ADCY8: variants seen among roughly 807,000 people sequenced by gnomAD.
ADCY8 encodes adenylate cyclase 8.
In ADCY8, 51 loss-of-function variants were observed where a neutral mutation model predicts 119.7. The ratio of observed to expected loss-of-function variants is 0.43; its 90% CI spans 0.34 to 0.54. ADCY8 has a LOEUF of 0.54. ADCY8 is among the 20% of genes least tolerant of loss of function. ADCY8 has a pLI of 0.03. For missense variants in ADCY8, 1,383 were observed against 1,598.8 expected (o/e 0.87, Z 2.30); for synonymous variants, 665 against 651.0 (o/e 1.02, Z -0.33).
intron 13 of ADCY8, among the ~76,000 whole-genome samples, chr8:130,817,719 G>C (rs1030003226): frequency 1.3e-5 from 2 of 152,184 alleles, no homozygotes; most frequent in Non-Finnish European, 2.9e-5. Flanking sequence ...GGTCACCTCT[G>C]AATGATGCTA....
At chr8:130,807,362 C>T (rs1356684243) in intron 14 of ADCY8, among the ~76,000 whole-genome samples, 2 of 152,246 alleles carry the variant, frequency 1.3e-5, no homozygotes, top group South Asian at 2.1e-4. Flanking sequence ...AGAGAGCTTC[C>T]ATGACCCTTG....
intron 8 of ADCY8, among the ~76,000 whole-genome samples, chr8:130,878,300 C>T (rs1216259036): frequency 6.6e-6 from 1 of 152,164 alleles, no homozygotes; most frequent in African/African-American, 2.4e-5. Flanking sequence ...ATCAACTTGT[C>T]ATTACCCATT....
At chr8:131,022,064 ATT>A (rs1200368303) in intron 1 of ADCY8, among the ~76,000 whole-genome samples, 1 of 152,174 alleles carries the variant, frequency 6.6e-6, no homozygotes, top group Non-Finnish European at 1.5e-5. Context: ...TGGTCTGCGT[ATT>A]TTGATATATT....
chr8:131,015,167 G>A (rs1439231229), intron 1 of ADCY8, among the ~76,000 whole-genome samples: 3 of 152,220 alleles, frequency 2.0e-5, no homozygotes, highest in African/African-American at 7.2e-5. Context: ...TCTAGGCTCT[G>A]AGGATATGTC....
At chr8:130,793,179 G>A (rs112691279) in intron 15 of ADCY8, among the ~76,000 whole-genome samples, 2,952 of 152,158 alleles carry the variant, frequency 0.019, 105 homozygotes, top group African/African-American at 0.067. Flanking sequence ...CTTGCCTGCC[G>A]CCATGCCCCC....
At chr8:130,834,669 A>T (rs931416763) in intron 12 of ADCY8, among the ~76,000 whole-genome samples, 1 of 152,208 alleles carries the variant, frequency 6.6e-6, no homozygotes, top group Admixed American at 6.5e-5. Context: ...GTGTTATTTC[A>T]TATGTACAGA....
chr8:131,032,566 T>G (rs1824028323), intron 1 of ADCY8, among the ~76,000 whole-genome samples: 1 of 152,062 alleles, frequency 6.6e-6, no homozygotes, highest in Admixed American at 6.6e-5. Context: ...GGTAGGTGGC[T>G]TTTATGCCTA....
chr8:130,881,620 A>G (rs757440336), intron 8 of ADCY8, among the ~76,000 whole-genome samples: 1 of 152,190 alleles, frequency 6.6e-6, no homozygotes, highest in Non-Finnish European at 1.5e-5. Context: ...AAAAGGCTTT[A>G]GAATCATAAA....
chr8:130,961,046 C>T (rs1165739852), intron 2 of ADCY8, among the ~76,000 whole-genome samples: 2 of 152,180 alleles, frequency 1.3e-5, no homozygotes, highest in Non-Finnish European at 2.9e-5. Flanking sequence ...TTTCCCTTCC[C>T]TCTCATTTTT....
At chr8:130,958,287 T>G (rs1398666387) in intron 2 of ADCY8, among the ~76,000 whole-genome samples, 3 of 152,124 alleles carry the variant, frequency 2.0e-5, no homozygotes, top group Non-Finnish European at 4.4e-5. Flanking sequence ...AACAGCCCAG[T>G]TTGTAAATAA....
intron 9 of ADCY8, among the ~76,000 whole-genome samples, chr8:130,863,839 T>C (rs1818026161): frequency 6.6e-6 from 1 of 152,178 alleles, no homozygotes; most frequent in African/African-American, 2.4e-5. Flanking sequence ...TTAATATTGT[T>C]GCTTTAAACA....
intron 5 of ADCY8, among the ~76,000 whole-genome samples, chr8:130,936,712 T>G (rs1407034241): frequency 6.6e-6 from 1 of 152,214 alleles, no homozygotes; most frequent in African/African-American, 2.4e-5. Context: ...TCACAAAGCT[T>G]ATTGTTCTGC....
intron 8 of ADCY8, among the ~76,000 whole-genome samples, chr8:130,869,576 GGT>G (rs1818260100): frequency 6.8e-6 from 1 of 147,400 alleles, no homozygotes; most frequent in Admixed American, 6.8e-5. Flanking sequence ...GGAGTGCAGT[GGT>G]GTGATCTCGG....
At chr8:130,869,644 A>T (rs1486479376) in intron 8 of ADCY8, among the ~76,000 whole-genome samples, 2 of 150,818 alleles carry the variant, frequency 1.3e-5, no homozygotes, top group African/African-American at 2.4e-5. Context: ...CAGCCTCCCG[A>T]GTAGCTGGGA....
intron 2 of ADCY8, among the ~76,000 whole-genome samples, chr8:130,966,733 G>A (rs906926584): frequency 5.3e-5 from 8 of 152,272 alleles, no homozygotes; most frequent in Non-Finnish European, 2.9e-5. Context: ...GGGACAACCT[G>A]CTGAACCCCT....
At chr8:130,887,747 G>A (rs1015874055) in intron 7 of ADCY8, among the ~76,000 whole-genome samples, 1 of 152,028 alleles carries the variant, frequency 6.6e-6, no homozygotes, top group African/African-American at 2.4e-5. Flanking sequence ...GTCTTTGGGG[G>A]TGACTATGAT....
chr8:130,982,916 C>A (rs1312990857), intron 2 of ADCY8, among the ~76,000 whole-genome samples: 1 of 152,166 alleles, frequency 6.6e-6, no homozygotes, highest in African/African-American at 2.4e-5. Context: ...AGGCACGTTG[C>A]AGATGCTAAA....
At chr8:131,013,108 C>A (rs934385313) in intron 1 of ADCY8, among the ~76,000 whole-genome samples, 1 of 152,164 alleles carries the variant, frequency 6.6e-6, no homozygotes, top group African/African-American at 2.4e-5. Context: ...CTCATTCATT[C>A]ACTTTATAAG....
rs1817955736 is a variant in ADCY8, at chr8:130,862,223, C to T, written c.2210+5623G>A. 2.0e-5 allele frequency among the ~76,000 whole-genome samples: 3 copies of T among 151,984 alleles called. No individual in the cohort carries two copies. The South Asian group carries it at 6.2e-4, about 32-fold the overall frequency. On this transcript the variant is annotated intron_variant, in intron 9 of 17. Transcript: ENST00000286355. ...CCTAATTGGTAGAATTTATTTTCTC[C>T]TTTTTGTTACAAGATTAAATTGCTT...
Sources: gnomAD v4.1 joint callset for allele counts (sites outside exome capture counted in the v4.1 genomes callset) on GRCh38, gnomAD v4.1.1 for gene constraint, MANE v1.5 for transcripts, NCBI Gene and HGNC (gene_info 2026-07-23, HGNC 2026-07-21) for gene names.